ALK: variants seen among roughly 807,000 people sequenced by gnomAD.
ALK encodes ALK receptor tyrosine kinase, also known as ALK tyrosine kinase receptor.
ALK carries 74 observed loss-of-function variants against 163.1 expected under a neutral mutation model. The ratio of observed to expected loss-of-function variants is 0.45; its 90% CI spans 0.38 to 0.55. ALK has a LOEUF of 0.55. Ranked by LOEUF, ALK falls within the 20% of genes least tolerant of loss-of-function variation. ALK has a pLI of 0.00. For synonymous variants in ALK, 960 were observed against 843.2 expected (o/e 1.14, Z -2.40); for missense variants, 2,063 against 2,105.3 (o/e 0.98, Z 0.39).
chr2:29,436,293 G>C (rs1039476212), intron 4 of ALK, among the ~76,000 whole-genome samples: 1 of 152,136 alleles, frequency 6.6e-6, no homozygotes, highest in Non-Finnish European at 1.5e-5. Context: ...AGCTGATATT[G>C]CCACATGCTC....
At chr2:29,592,194 G>A (rs1235377081) in intron 3 of ALK, among the ~76,000 whole-genome samples, 2 of 152,020 alleles carry the variant, frequency 1.3e-5, no homozygotes, top group African/African-American at 2.4e-5. Context: ...GCTCCCTGCG[G>A]GTCTGACTCT....
At chr2:29,539,884 G>A (rs977982724) in intron 3 of ALK, among the ~76,000 whole-genome samples, 4 of 152,150 alleles carry the variant, frequency 2.6e-5, no homozygotes, top group Non-Finnish European at 5.9e-5. Context: ...ATAGTTTTGT[G>A]AGCAAAATTA....
rs1669531667 is a variant in ALK, at chr2:29,213,965, C to T, written c.3743+19G>A. 1.9e-6 allele frequency: 3 copies of T among 1,600,718 alleles called. No homozygotes were observed. The highest frequency in any genetic ancestry group is 1.7e-5 in the Admixed American group (1 of 60,008). On this transcript the variant is annotated intron_variant, in intron 24 of 28. Transcript: ENST00000389048. ...ATCAGCGACAGGATGACAGGAAGAG[C>T]ACAGTCACTTTGACTCACCGGTGGA...
At chr2:29,363,662 C>G (rs1011205437) in intron 5 of ALK, among the ~76,000 whole-genome samples, 5 of 152,180 alleles carry the variant, frequency 3.3e-5, no homozygotes, top group South Asian at 4.1e-4. Flanking sequence ...TCTTTGTACA[C>G]AAGCCCAGGG....
intron 5 of ALK, among the ~76,000 whole-genome samples, chr2:29,329,920 C>A (rs1301837762): frequency 6.6e-6 from 1 of 152,142 alleles, no homozygotes; most frequent in Non-Finnish European, 1.5e-5. Context: ...TATCTCAGGC[C>A]CCACACCTGG....
chr2:29,752,499 G>A (rs1408534375), intron 1 of ALK, among the ~76,000 whole-genome samples: 4 of 151,328 alleles, frequency 2.6e-5, no homozygotes, highest in Admixed American at 2.6e-4. Flanking sequence ...ACAGGCACGC[G>A]CCACCATGCC....
At chr2:29,595,835 G>A (rs1675198200) in intron 3 of ALK, among the ~76,000 whole-genome samples, 1 of 152,220 alleles carries the variant, frequency 6.6e-6, no homozygotes, top group Non-Finnish European at 1.5e-5. Flanking sequence ...GGGAGGCACA[G>A]GGAATAAGTT....
intron 2 of ALK, among the ~76,000 whole-genome samples, chr2:29,702,282 C>G (rs992421318): frequency 6.6e-6 from 1 of 152,006 alleles, no homozygotes; most frequent in Non-Finnish European, 1.5e-5. Flanking sequence ...TCTCGATATT[C>G]TAAATGGCCA....
At chr2:29,400,284 A>G (rs754406879) in intron 4 of ALK, among the ~76,000 whole-genome samples, 12 of 152,266 alleles carry the variant, frequency 7.9e-5, no homozygotes, top group Non-Finnish European at 1.2e-4. Flanking sequence ...AGTGATAAAT[A>G]TAAGAAGCCA....
intron 3 of ALK, among the ~76,000 whole-genome samples, chr2:29,635,921 G>A (rs925120339): frequency 6.6e-5 from 10 of 152,002 alleles, no homozygotes; most frequent in Non-Finnish European, 1.2e-4. Context: ...ATGAGTCACT[G>A]TGTCCAGCCA....
chr2:29,768,713 CTGTGTG>C (rs1553359129), intron 1 of ALK, among the ~76,000 whole-genome samples: 17 of 142,862 alleles, frequency 1.2e-4, no homozygotes, highest in Admixed American at 1.5e-4. Context: ...TTATATATGT[CTGTGTG>C]TGTGTGTGTG....
In ALK at chr2:29,385,382, G is replaced by T. The variant is rs1011933782; in HGVS notation, c.1155-1523C>A. Among the ~76,000 whole-genome samples the T allele has an allele frequency of 3.6e-4, 50 of 138,348 alleles. No individual in the cohort carries two copies. The South Asian group carries it at 4.7e-3, about 13-fold the overall frequency. 90.8% of individuals were successfully genotyped at this position (138,348 alleles called of 152,430 possible). On this transcript the variant is annotated intron_variant, in intron 4 of 28. Transcript: ENST00000389048. Reference sequence around the variant, plus strand: ...ACCTAAGGAAACAACCTGTCAGGTTGTTTTTTTTTTTTTTTTTCTGTCTTG... The same window carrying T: ...ACCTAAGGAAACAACCTGTCAGGTTTTTTTTTTTTTTTTTTTTCTGTCTTG...
chr2:29,578,367 C>G (rs987130582), intron 3 of ALK, among the ~76,000 whole-genome samples: 1 of 152,168 alleles, frequency 6.6e-6, no homozygotes, highest in African/African-American at 2.4e-5. Context: ...AGCATGAGAA[C>G]AGACTAATAC....
chr2:29,461,757 C>T (rs113500853), intron 4 of ALK, among the ~76,000 whole-genome samples: 2,734 of 152,194 alleles, frequency 0.018, 31 homozygotes, highest in Middle Eastern at 0.034. Context: ...ATCCATTTTG[C>T]AGCCCATTGA....
chr2:29,820,316 C>T (rs1245294834), intron 1 of ALK, among the ~76,000 whole-genome samples: 1 of 152,186 alleles, frequency 6.6e-6, no homozygotes, highest in African/African-American at 2.4e-5. Context: ...ATTATGGAAG[C>T]AGATTCTCCA....
chr2:29,523,706 G>A (rs1672874816), intron 4 of ALK, among the ~76,000 whole-genome samples: 1 of 152,048 alleles, frequency 6.6e-6, no homozygotes, highest in African/African-American at 2.4e-5. Context: ...CAAGCACGGG[G>A]TTACAGGTAT....
chr2:29,491,944 A>C (rs1671913277), intron 4 of ALK, among the ~76,000 whole-genome samples: 1 of 152,216 alleles, frequency 6.6e-6, no homozygotes, highest in African/African-American at 2.4e-5. Context: ...AATTACCTTA[A>C]AGTGAATTGG....
intron 3 of ALK, among the ~76,000 whole-genome samples, chr2:29,591,003 G>C (rs1195391345): frequency 6.7e-6 from 1 of 148,902 alleles, no homozygotes; most frequent in Non-Finnish European, 1.5e-5. Context: ...CCTGGGAGGC[G>C]GAGCTTGCAG....
chr2:29,328,905 C>T (rs1346911151), intron 5 of ALK, among the ~76,000 whole-genome samples: 1 of 152,146 alleles, frequency 6.6e-6, no homozygotes, highest in Non-Finnish European at 1.5e-5. Flanking sequence ...AGTGCATGTC[C>T]CCCATGTTCT....
Sources: allele counts gnomAD v4.1 joint callset (sites outside exome capture counted in the v4.1 genomes callset), GRCh38; gene constraint gnomAD v4.1.1; transcripts MANE v1.5; gene names NCBI Gene and HGNC (gene_info 2026-07-23, HGNC 2026-07-21).